The following FMN1 variants were observed in gnomAD, a reference collection of about 807,000 sequenced individuals.
FMN1 encodes the protein formin-1.
A neutral mutation model predicts 132.4 loss-of-function variants in FMN1; 110 were observed. That is an observed-to-expected ratio of 0.83 (90% CI 0.71 to 0.97). The LOEUF (loss-of-function observed/expected upper bound fraction) is 0.97. Ranked by LOEUF, FMN1 falls within the 50% of genes least tolerant of loss-of-function variation. FMN1 has a pLI of 0.00. For synonymous variants in FMN1, 722 were observed against 651.7 expected, an observed-to-expected ratio of 1.11 and a Z score of -1.64; for missense variants, 1,792 against 1,705.3, an observed-to-expected ratio of 1.05 and a Z score of -0.90.
intron 5 of FMN1, among the ~76,000 whole-genome samples, chr15:33,069,648 T>C (rs1388448572): frequency 6.6e-6 from 1 of 152,150 alleles, no homozygotes; most frequent in African/African-American, 2.4e-5. Flanking sequence ...AAAATACATT[T>C]CTAGCAATGT....
At chr15:32,989,811 T>C (rs1191360177) in intron 7 of FMN1, among the ~76,000 whole-genome samples, 1 of 152,132 alleles carries the variant, frequency 6.6e-6, no homozygotes, top group Non-Finnish European at 1.5e-5. Context: ...CATAATTTGG[T>C]AATCAACTAG....
intron 10 of FMN1, among the ~76,000 whole-genome samples, chr15:32,922,776 C>T (rs562330171): frequency 1.1e-4 from 16 of 152,274 alleles, no homozygotes; most frequent in African/African-American, 3.4e-4. Flanking sequence ...ACTTCTATTC[C>T]TATCAACTTA....
At chr15:32,775,886 A>G in intron 20 of FMN1, among the ~76,000 whole-genome samples, 1 of 152,240 alleles carries the variant, frequency 6.6e-6, no homozygotes, top group Non-Finnish European at 1.5e-5. Flanking sequence ...ATCAGGGCCC[A>G]GAGAGGACAG....
chr15:32,978,800 A>T (rs1392109871), intron 7 of FMN1, among the ~76,000 whole-genome samples: 1 of 152,214 alleles, frequency 6.6e-6, no homozygotes, highest in Non-Finnish European at 1.5e-5. Context: ...CCTGCACAAC[A>T]GTATCATTTT....
intron 15 of FMN1, among the ~76,000 whole-genome samples, chr15:32,894,416 G>A (rs1478401850): frequency 1.3e-5 from 2 of 151,712 alleles, no homozygotes; most frequent in African/African-American, 4.8e-5. Context: ...CCTGGGTGGC[G>A]GAGGTTGCAG....
chr15:32,797,883 AAAGTG>A (rs2057341782), intron 19 of FMN1, among the ~76,000 whole-genome samples: 1 of 152,188 alleles, frequency 6.6e-6, no homozygotes, highest in South Asian at 2.1e-4. Context: ...CTTTGATTAC[AAAGTG>A]AAGAATAAAA....
intron 17 of FMN1, among the ~76,000 whole-genome samples, chr15:32,830,763 T>C (rs1465608659): frequency 6.6e-6 from 1 of 152,130 alleles, no homozygotes; most frequent in Non-Finnish European, 1.5e-5. Flanking sequence ...GCCCTCCCTG[T>C]CCGAGGAGAC....
chr15:33,153,145 G>A lies in FMN1; in HGVS notation c.1770C>T (p.Leu590=). 2 of 1,536,138 alleles carry A rather than the reference G, an allele frequency of 1.3e-6. No individual in the cohort carries two copies. Among genetic ancestry groups the A allele is most frequent in the Non-Finnish European group, 8.7e-7 (1 of 1,146,914 alleles). The stretch of plus-strand genomic sequence containing the variant: ...GCACCAACCGAGGTTGGCCTGCTCT[G>A]AGGAAGGCCGGGCTGGCTCCTTTGG... The part of the protein sequence containing the change: ...TETKGASPAF[L]RAGQPRLVPG... The change falls in exon 4 of 21, where the codon CTC becomes CTT. Residue 590 remains leucine (L), a synonymous_variant. Transcript: ENST00000616417.
intron 16 of FMN1, among the ~76,000 whole-genome samples, chr15:32,887,762 T>C (rs1365765701): frequency 6.6e-6 from 1 of 152,244 alleles, no homozygotes. Flanking sequence ...AATCTGTCTA[T>C]TACTGGCTGT....
intron 16 of FMN1, among the ~76,000 whole-genome samples, chr15:32,883,180 C>A (rs1047262760): frequency 3.3e-5 from 5 of 152,094 alleles, no homozygotes; most frequent in African/African-American, 7.2e-5. Flanking sequence ...TCACACATAA[C>A]CCCAAATGAA....
At chr15:32,996,110 T>C (rs559332403) in intron 7 of FMN1, among the ~76,000 whole-genome samples, 141 of 152,358 alleles carry the variant, frequency 9.3e-4, no homozygotes, top group African/African-American at 3.3e-3. Context: ...ATAGGTCATC[T>C]ACCACATGCC....
At chr15:33,113,406 G>A (rs919209741) in intron 4 of FMN1, among the ~76,000 whole-genome samples, 1 of 134,352 alleles carries the variant, frequency 7.4e-6, no homozygotes, top group African/African-American at 2.6e-5. Context: ...TTTCATTCCA[G>A]CCTTTCTTTC....
In FMN1 at chr15:33,192,914, C is replaced by T. The variant is rs150344155; in HGVS notation, c.-197+995G>A. Among the ~76,000 whole-genome samples, 1,271 of 152,140 alleles carry T rather than the reference C, an allele frequency of 8.4e-3. 17 individuals are homozygous for T. The highest frequency in any genetic ancestry group is 0.028 in the African/African-American group (1,153 of 41,482). On this transcript the variant is annotated intron_variant, in intron 2 of 20. Transcript: ENST00000616417. ...GGTAGTATTATCCCTATTTTACAGACGAGAAATTAAAATTAAAGAGGCAAG... is the reference window on the plus strand; with the variant it reads ...GGTAGTATTATCCCTATTTTACAGATGAGAAATTAAAATTAAAGAGGCAAG...
chr15:32,830,863 AT>A, intron 17 of FMN1, among the ~76,000 whole-genome samples: 1 of 152,282 alleles, frequency 6.6e-6, no homozygotes, highest in East Asian at 1.9e-4. Flanking sequence ...AGTAGTGCAA[AT>A]GACATCTAAA....
chr15:32,809,421 T>G (rs1269936124), intron 17 of FMN1, among the ~76,000 whole-genome samples: 3 of 152,104 alleles, frequency 2.0e-5, no homozygotes, highest in Admixed American at 1.3e-4. Flanking sequence ...TTCTCACTGG[T>G]TCCCCCTCTG....
At chr15:33,143,060 T>C (rs1039251551) in intron 4 of FMN1, among the ~76,000 whole-genome samples, 1 of 152,224 alleles carries the variant, frequency 6.6e-6, no homozygotes, top group African/African-American at 2.4e-5. Context: ...CTGTCTGTTC[T>C]GGTAAAGCCA....
At chr15:33,114,270 C>T (rs1566927754) in intron 4 of FMN1, among the ~76,000 whole-genome samples, 1 of 152,158 alleles carries the variant, frequency 6.6e-6, no homozygotes, top group Admixed American at 6.5e-5. Context: ...TGTCCAAGGA[C>T]GAGGAATGAA....
intron 6 of FMN1, chr15:33,012,752 A>G: frequency 2.7e-6 from 2 of 742,052 alleles, no homozygotes; most frequent in East Asian, 2.5e-5. Flanking sequence ...TTTGGTGGGA[A>G]CGACATCTTT....
chr15:32,946,616 C>A (rs1474988812), intron 9 of FMN1, among the ~76,000 whole-genome samples: 1 of 152,130 alleles, frequency 6.6e-6, no homozygotes, highest in South Asian at 2.1e-4. Context: ...AAAATTAGCC[C>A]AAAATTATGA....
Sources: allele counts gnomAD v4.1 joint callset (sites outside exome capture counted in the v4.1 genomes callset), GRCh38; gene constraint gnomAD v4.1.1; transcripts MANE v1.5; gene names NCBI Gene and HGNC (gene_info 2026-07-23, HGNC 2026-07-21).